Variants in CNTNAP4 observed in about 807,000 individuals in gnomAD.
CNTNAP4 encodes the protein contactin-associated protein-like 4.
CNTNAP4 carries 98 observed loss-of-function variants against 148.4 expected under a neutral mutation model. The observed-to-expected ratio is 0.66, with a 90% CI of 0.56 to 0.78. The LOEUF (loss-of-function observed/expected upper bound fraction) is 0.78. CNTNAP4 is among the 30% of genes least tolerant of loss of function. The pLI, the probability that CNTNAP4 is intolerant of heterozygous loss-of-function variation, is 0.00. For missense variants in CNTNAP4, 1,935 were observed against 1,565.6 expected, an observed-to-expected ratio of 1.24 and a Z score of -3.98; for synonymous variants, 730 against 565.1, an observed-to-expected ratio of 1.29 and a Z score of -4.14.
intron 3 of CNTNAP4, among the ~76,000 whole-genome samples, chr16:76,405,591 TACTC>T (rs568524015): frequency 5.6e-4 from 85 of 152,230 alleles, no homozygotes; most frequent in African/African-American, 1.9e-3. Flanking sequence ...AAAAAATACT[TACTC>T]TTCATTAACT....
At chr16:76,386,745 A>C (rs1021212574) in intron 3 of CNTNAP4, among the ~76,000 whole-genome samples, 27 of 152,122 alleles carry the variant, frequency 1.8e-4, no homozygotes, top group African/African-American at 5.6e-4. Context: ...ATATCTCTAT[A>C]AAAAAGGCAT....
chr16:76,281,946 A>G (rs1255386828), intron 1 of CNTNAP4, among the ~76,000 whole-genome samples: 1 of 151,932 alleles, frequency 6.6e-6, no homozygotes, highest in Non-Finnish European at 1.5e-5. Context: ...TATCAATTAA[A>G]TTTTATTAAG....
intron 12 of CNTNAP4, among the ~76,000 whole-genome samples, chr16:76,487,687 G>T (rs1300718057): frequency 6.6e-6 from 1 of 152,196 alleles, no homozygotes; most frequent in Non-Finnish European, 1.5e-5. Flanking sequence ...CCTGATAAGT[G>T]TGGCGTCTGT....
Position 76,494,921 on chromosome 16 carries a change from C to T in CNTNAP4, c.2092C>T (p.Leu698=), listed in dbSNP as rs368369408. 1.9e-6 allele frequency: 3 copies of T among 1,613,270 alleles called. No individual in the cohort carries two copies. The Admixed American group carries it at 5.0e-5, about 27-fold the overall frequency. Residue 698 remains leucine (L), a synonymous_variant, in exon 14 of 24, where the codon CTG becomes TTG. Coordinates refer to ENST00000611870, the MANE Select transcript of CNTNAP4 (RefSeq NM_033401.5). The stretch of plus-strand genomic sequence containing the variant: ...CGTTTTTCTTTCAGATGGAACCCCT[C>T]TGAGTTGGTGGGTAGGAAGAACCAA... ...RLVNKQDGTP[L]SWWVGRTNET...
chr16:76,457,743 A>C (rs948046404), intron 8 of CNTNAP4, among the ~76,000 whole-genome samples: 1 of 152,176 alleles, frequency 6.6e-6, no homozygotes, highest in Non-Finnish European at 1.5e-5. Flanking sequence ...TGCAACATCT[A>C]AGCACATGGT....
rs756318129 is a variant in CNTNAP4, at chr16:76,494,828, T to A, written c.2081-82T>A. The A allele has an allele frequency of 8.4e-4, 1,143 of 1,367,650 alleles. 2 individuals carry two copies. The highest frequency in any genetic ancestry group is 6.2e-4 in the Non-Finnish European group (610 of 991,688). 84.7% of individuals were successfully genotyped at this position (1,367,650 alleles called of 1,614,324 possible). A position where few individuals can be genotyped will look rare whatever the true frequency, so the allele number is the denominator to read the frequency against. The stretch of plus-strand genomic sequence containing the variant: ...TTTCTCCTTTTATTCTTTTTAATGA[T>A]TTTGGAAGAAAAGGAATTATATTGG... On this transcript the variant is annotated intron_variant, in intron 13 of 23. Transcript: ENST00000611870.
At chr16:76,484,301 G>T (rs1236014810) in intron 12 of CNTNAP4, among the ~76,000 whole-genome samples, 1 of 101,830 alleles carries the variant, frequency 9.8e-6, no homozygotes, top group Non-Finnish European at 2.0e-5. Flanking sequence ...AAAAAGACTG[G>T]AGTCACTGGA....
At chr16:76,403,092 TTA>T in intron 3 of CNTNAP4, among the ~76,000 whole-genome samples, 1 of 140,328 alleles carries the variant, frequency 7.1e-6, no homozygotes, top group African/African-American at 3.3e-5. Context: ...TTGTTGGGTT[TTA>T]TTTTTTTTTT....
At chr16:76,527,822 C>T (rs2083805147) in intron 17 of CNTNAP4, among the ~76,000 whole-genome samples, 1 of 152,020 alleles carries the variant, frequency 6.6e-6, no homozygotes, top group Non-Finnish European at 1.5e-5. Flanking sequence ...TCTGTGTTTC[C>T]TGTAACATCA....
At chr16:76,321,791 A>G (rs1185284836) in intron 2 of CNTNAP4, among the ~76,000 whole-genome samples, 1 of 150,160 alleles carries the variant, frequency 6.7e-6, no homozygotes, top group East Asian at 1.9e-4. Context: ...CAGTCTCAAA[A>G]AAAAAAAAAA....
At chr16:76,333,791 T>G (rs1485633361) in intron 2 of CNTNAP4, among the ~76,000 whole-genome samples, 1 of 147,762 alleles carries the variant, frequency 6.8e-6, no homozygotes, top group African/African-American at 2.5e-5. Flanking sequence ...TTTTTTTTTT[T>G]TTTTTTTTTT....
chr16:76,428,703 G>C (rs1434408149), intron 4 of CNTNAP4, among the ~76,000 whole-genome samples: 2 of 151,890 alleles, frequency 1.3e-5, no homozygotes, highest in Non-Finnish European at 2.9e-5. Context: ...TTCCTCCAGG[G>C]CCTACAGAAT....
chr16:76,301,978 C>G lies in CNTNAP4; in HGVS notation c.86-14435C>G, dbSNP rs1179768291. Among the ~76,000 whole-genome samples the G allele has an allele frequency of 2.0e-5, 3 of 152,174 alleles. No individual in the cohort carries two copies. In the East Asian group the frequency reaches 5.8e-4, roughly 30 times the overall value. On this transcript the variant is annotated intron_variant, in intron 1 of 23. Coordinates refer to ENST00000611870, the MANE Select transcript of CNTNAP4 (RefSeq NM_033401.5). ...GCTCTCTGACATCAAAAAGCCACCTCTCGGGCACTTGCACAGGCCCAGTTG... is the reference window on the plus strand; with the variant it reads ...GCTCTCTGACATCAAAAAGCCACCTGTCGGGCACTTGCACAGGCCCAGTTG...
chr16:76,403,603 C>G (rs555044817), intron 3 of CNTNAP4, among the ~76,000 whole-genome samples: 94 of 152,216 alleles, frequency 6.2e-4, no homozygotes, highest in African/African-American at 2.1e-3. Flanking sequence ...TGGTAGGAGT[C>G]TAAATTAATT....
chr16:76,508,203 A>G (rs2082895449), intron 15 of CNTNAP4, among the ~76,000 whole-genome samples: 1 of 96,698 alleles, frequency 1.0e-5, no homozygotes, highest in Admixed American at 1.0e-4. Flanking sequence ...AAAGAAACCT[A>G]CAGCTTATGA....
chr16:76,526,544 G>C (rs1305975056), intron 17 of CNTNAP4, among the ~76,000 whole-genome samples: 3 of 152,136 alleles, frequency 2.0e-5, no homozygotes, highest in Non-Finnish European at 4.4e-5. Flanking sequence ...TTGAAATTTA[G>C]ATGCACCCAA....
intron 21 of CNTNAP4, among the ~76,000 whole-genome samples, chr16:76,544,211 T>C (rs1039580920): frequency 7.1e-6 from 1 of 141,512 alleles, no homozygotes; most frequent in Non-Finnish European, 1.5e-5. Context: ...AAACATTGCC[T>C]TTTTTTTTTT....
intron 2 of CNTNAP4, among the ~76,000 whole-genome samples, chr16:76,348,573 T>C (rs1249048027): frequency 6.6e-6 from 1 of 152,092 alleles, no homozygotes; most frequent in Non-Finnish European, 1.5e-5. Flanking sequence ...GCAAGAAAAT[T>C]AAGAGAAGGT....
At chr16:76,486,443 T>C (rs538309071) in intron 12 of CNTNAP4, among the ~76,000 whole-genome samples, 36 of 152,278 alleles carry the variant, frequency 2.4e-4, no homozygotes, top group African/African-American at 8.2e-4. Flanking sequence ...ACTGGATTCA[T>C]CCATGGTGGA....
Sources: allele counts gnomAD v4.1 joint callset (sites outside exome capture counted in the v4.1 genomes callset), GRCh38; gene constraint gnomAD v4.1.1; transcripts MANE v1.5; gene names NCBI Gene and HGNC (gene_info 2026-07-23, HGNC 2026-07-21).